The following RGS22 variants were observed in gnomAD, a reference collection of about 807,000 sequenced individuals.
RGS22 encodes the protein regulator of G protein signaling 22, also known as regulator of G-protein signaling 22.
RGS22 carries 148 observed loss-of-function variants against 172.9 expected under a neutral mutation model. The observed-to-expected ratio is 0.86, with a 90% CI of 0.75 to 0.98. The LOEUF (loss-of-function observed/expected upper bound fraction) is 0.98. Ranked by LOEUF, RGS22 falls within the 50% of genes least tolerant of loss-of-function variation. The probability of loss-of-function intolerance (pLI) is 0.00; values close to 1 mark genes in which losing one functional copy is unlikely to be tolerated. For missense variants in RGS22, 1,347 were observed against 1,440.8 expected (o/e 0.93, Z 1.05); for synonymous variants, 458 against 480.2 (o/e 0.95, Z 0.60).
At chr8:99,980,188 C>T (rs1021191695) in intron 22 of RGS22, among the ~76,000 whole-genome samples, 2 of 152,130 alleles carry the variant, frequency 1.3e-5, no homozygotes, top group Non-Finnish European at 2.9e-5. Flanking sequence ...CCTTGGCCTT[C>T]CAAAGTGCTG....
chr8:99,965,473 G>T, intron 23 of RGS22, 43 bp from the exon 24 acceptor site: 1 of 1,351,618 alleles, frequency 7.4e-7, no homozygotes, highest in South Asian at 1.3e-5. Context: ...AAAAGATAAT[G>T]ATATGTTAAT....
intron 2 of RGS22, 136 bp downstream of exon 2, chr8:100,105,238 C>T: frequency 1.4e-6 from 1 of 691,614 alleles, no homozygotes; most frequent in East Asian, 2.5e-5. Context: ...ATCTTGTACA[C>T]AGTTATTACA....
chr8:99,984,049 C>T (rs554461793), intron 21 of RGS22, among the ~76,000 whole-genome samples: 56 of 152,126 alleles, frequency 3.7e-4, no homozygotes, highest in African/African-American at 1.3e-3. Context: ...TTTGGGAGGC[C>T]GAGGTGGGCA....
At position 99,978,528 on chromosome 8, in the gene RGS22, T is replaced by C. The variant is rs1216876195; in HGVS notation, c.3361-453A>G. Among the ~76,000 whole-genome samples the C allele has an allele frequency of 3.9e-5, 6 of 152,288 alleles. No individual in the cohort carries two copies. In the South Asian group the frequency reaches 8.3e-4, roughly 21 times the overall value. ...TAGAGAAAGGAAATACCATTTTGCC[T>C]CTGGAAAAGCTCTTAAACAAAGCTG... On this transcript the variant is annotated intron_variant, in intron 22 of 27. Transcript: ENST00000360863.
chr8:99,984,304 G>T (rs1287922028), intron 21 of RGS22, among the ~76,000 whole-genome samples: 1 of 151,952 alleles, frequency 6.6e-6, no homozygotes, highest in African/African-American at 2.4e-5. Context: ...GAAAAGAAAA[G>T]AAAAAGCCTA....
chr8:100,003,892 T>C (rs1815378941), intron 17 of RGS22, 34 bp downstream of exon 17: 1 of 1,481,664 alleles, frequency 6.7e-7, no homozygotes, highest in Non-Finnish European at 9.0e-7. Flanking sequence ...TAGAAAAATG[T>C]TTTCAGTGAG....
intron 9 of RGS22, among the ~76,000 whole-genome samples, chr8:100,060,419 T>TAC (rs1488525962): frequency 6.2e-5 from 8 of 128,078 alleles, no homozygotes; most frequent in African/African-American, 1.9e-4. Context: ...TATATATATA[T>TAC]ATACACACAC....
intron 2 of RGS22, among the ~76,000 whole-genome samples, chr8:100,103,828 T>G (rs992886568): frequency 6.6e-6 from 1 of 151,866 alleles, no homozygotes; most frequent in Non-Finnish European, 1.5e-5. Flanking sequence ...ATGCCTAGAG[T>G]CTTCAGGCTA....
At chr8:100,066,603 G>T (rs1810551689) in intron 6 of RGS22, among the ~76,000 whole-genome samples, 1 of 151,994 alleles carries the variant, frequency 6.6e-6, no homozygotes, top group South Asian at 2.1e-4. Flanking sequence ...CTACTTCCTG[G>T]ATTCACTACA....
intron 18 of RGS22, among the ~76,000 whole-genome samples, chr8:100,000,983 A>G (rs1814977872): frequency 6.6e-6 from 1 of 151,794 alleles, no homozygotes; most frequent in Non-Finnish European, 1.5e-5. Flanking sequence ...TGAAATTTGT[A>G]TTTTATTAAT....
chr8:100,051,772 TATATATATTTATATATAA>T lies in RGS22; in HGVS notation c.1689+1012_1689+1029del, dbSNP rs1179477872. ...ATTTATATATTTATATATAAATGTTTATATATATTTATATATAAATATATATTTATATATAAATGTTTA... is the reference window on the plus strand; with the variant it reads ...ATTTATATATTTATATATAAATGTTTATATATATTTATATATAAATGTTTA... On this transcript the variant is annotated intron_variant, in intron 10 of 27. Transcript: ENST00000360863. 2.7e-4 allele frequency among the ~76,000 whole-genome samples: 23 copies of T among 84,554 alleles called. 4 individuals are homozygous for T. In the East Asian group the frequency reaches 3.6e-3, roughly 13 times the overall value. 55.5% of individuals were successfully genotyped at this position (84,554 alleles called of 152,430 possible). A position where few individuals can be genotyped will look rare whatever the true frequency, so the allele number is the denominator to read the frequency against.
intron 14 of RGS22, among the ~76,000 whole-genome samples, chr8:100,032,216 G>A (rs533594709): frequency 1.1e-3 from 173 of 152,292 alleles, no homozygotes; most frequent in Admixed American, 3.6e-3. Flanking sequence ...AAAAGACACA[G>A]ACTGGCAAAT....
At chr8:99,966,112 T>C (rs533965891) in intron 23 of RGS22, among the ~76,000 whole-genome samples, 2 of 152,374 alleles carry the variant, frequency 1.3e-5, no homozygotes, top group Admixed American at 1.3e-4. Context: ...AAAAAGGATG[T>C]ATCATAGATA....
intron 14 of RGS22, among the ~76,000 whole-genome samples, chr8:100,026,140 G>T (rs536292674): frequency 6.6e-6 from 1 of 152,210 alleles, no homozygotes; most frequent in African/African-American, 2.4e-5. Flanking sequence ...TTACTGGTTT[G>T]TACACTATAA....
intron 9 of RGS22, among the ~76,000 whole-genome samples, chr8:100,059,539 CAAA>C (rs1191814965): frequency 1.3e-5 from 2 of 149,948 alleles, no homozygotes; most frequent in African/African-American, 4.9e-5. Flanking sequence ...TAAGAAGAGA[CAAA>C]GAAGGTCACT....
chr8:99,971,256 C>T (rs564119646), intron 23 of RGS22, among the ~76,000 whole-genome samples: 2 of 152,198 alleles, frequency 1.3e-5, no homozygotes, highest in East Asian at 1.9e-4. Flanking sequence ...TATGAAAAAC[C>T]CATAGCCAAT....
At chr8:100,012,850 T>C (rs1473115031) in intron 14 of RGS22, among the ~76,000 whole-genome samples, 2 of 152,138 alleles carry the variant, frequency 1.3e-5, no homozygotes, top group African/African-American at 4.8e-5. Flanking sequence ...TGAAATATGC[T>C]TTTTTCTTTT....
At chr8:100,030,200 ACT>A (rs1481181994) in intron 14 of RGS22, among the ~76,000 whole-genome samples, 5 of 152,214 alleles carry the variant, frequency 3.3e-5, no homozygotes, top group Non-Finnish European at 7.3e-5. Flanking sequence ...CACATGTATT[ACT>A]CACATGTCTG....
intron 23 of RGS22, among the ~76,000 whole-genome samples, chr8:99,972,255 T>C (rs2131137684): frequency 6.6e-6 from 1 of 152,272 alleles, no homozygotes; most frequent in Non-Finnish European, 1.5e-5. Context: ...TAACTCAAGA[T>C]GGATTAAAGA....
Sources: gnomAD v4.1 joint callset for allele counts (sites outside exome capture counted in the v4.1 genomes callset) on GRCh38, gnomAD v4.1.1 for gene constraint, MANE v1.5 for transcripts, NCBI Gene and HGNC (gene_info 2026-07-23, HGNC 2026-07-21) for gene names.